The following SLC35F3 variants were observed in gnomAD, a reference collection of about 807,000 sequenced individuals.
SLC35F3 encodes the protein putative thiamine transporter SLC35F3.
A neutral mutation model predicts 49.9 loss-of-function variants in SLC35F3; 25 were observed. The observed-to-expected ratio is 0.50, with a 90% CI of 0.37 to 0.70. The LOEUF (loss-of-function observed/expected upper bound fraction) is 0.70. SLC35F3 is among the 30% of genes least tolerant of loss of function. The pLI, the probability that SLC35F3 is intolerant of heterozygous loss-of-function variation, is 0.00. For synonymous variants in SLC35F3, 275 were observed against 265.4 expected (o/e 1.04, Z -0.35); for missense variants, 525 against 639.8 (o/e 0.82, Z 1.94).
At chr1:234,319,657 C>T (rs1657569485) in intron 6 of SLC35F3, among the ~76,000 whole-genome samples, 1 of 152,156 alleles carries the variant, frequency 6.6e-6, no homozygotes, top group African/African-American at 2.4e-5. Flanking sequence ...GCTATGATTG[C>T]ACCACTGTGC....
At chr1:234,282,085 C>T (rs1349880579) in intron 3 of SLC35F3, among the ~76,000 whole-genome samples, 1 of 152,192 alleles carries the variant, frequency 6.6e-6, no homozygotes. Flanking sequence ...AGGCCTCTCT[C>T]AACACCCTCC....
intron 2 of SLC35F3, among the ~76,000 whole-genome samples, chr1:234,018,798 T>C (rs957557146): frequency 6.6e-6 from 1 of 152,238 alleles, no homozygotes; most frequent in African/African-American, 2.4e-5. Flanking sequence ...CTTGGCAACA[T>C]GGTCCAGGGT....
intron 2 of SLC35F3, among the ~76,000 whole-genome samples, chr1:234,004,066 C>T (rs1161260108): frequency 6.6e-6 from 1 of 152,148 alleles, no homozygotes; most frequent in African/African-American, 2.4e-5. Flanking sequence ...TGTCACCAAG[C>T]TTCCCCTATG....
intron 3 of SLC35F3, among the ~76,000 whole-genome samples, chr1:234,273,998 C>A (rs899720718): frequency 2.6e-5 from 4 of 152,052 alleles, no homozygotes; most frequent in African/African-American, 4.8e-5. Flanking sequence ...TAAAAAAAAA[C>A]CATCACATGC....
chr1:233,931,874 C>T (rs1662248825), intron 2 of SLC35F3, among the ~76,000 whole-genome samples: 1 of 152,136 alleles, frequency 6.6e-6, no homozygotes, highest in South Asian at 2.1e-4. Flanking sequence ...TTCACAATAG[C>T]AAAGACTTGG....
intron 1 of SLC35F3, 56 bp from the exon 2 acceptor site, chr1:233,905,473 C>A (rs377364779): frequency 9.9e-6 from 13 of 1,314,976 alleles, no homozygotes; most frequent in African/African-American, 7.2e-5. Flanking sequence ...GAATCCCCTC[C>A]TCTCTGTCCA....
chr1:233,997,375 T>C (rs1426288058), intron 2 of SLC35F3, among the ~76,000 whole-genome samples: 1 of 152,010 alleles, frequency 6.6e-6, no homozygotes, highest in Admixed American at 6.5e-5. Flanking sequence ...CCCACAACAA[T>C]GAAAAAAGGG....
intron 2 of SLC35F3, among the ~76,000 whole-genome samples, chr1:233,909,237 CTG>C (rs113980261): frequency 0.03 from 4,623 of 152,224 alleles, 246 homozygotes; most frequent in African/African-American, 0.11. Flanking sequence ...GAGAATTAAA[CTG>C]TAAACAAGGA....
intron 2 of SLC35F3, among the ~76,000 whole-genome samples, chr1:233,938,593 CGAA>C (rs532308038): frequency 3.4e-4 from 52 of 151,696 alleles, no homozygotes; most frequent in African/African-American, 1.2e-3. Flanking sequence ...AGTGAGAAGA[CGAA>C]GAGCTAACAA....
At chr1:234,089,157 A>G (rs899899181) in intron 2 of SLC35F3, among the ~76,000 whole-genome samples, 2 of 151,748 alleles carry the variant, frequency 1.3e-5, no homozygotes, top group African/African-American at 4.9e-5. Context: ...GTCCTCACCC[A>G]GGGCACACAC....
At chr1:234,074,060 C>T (rs1664760416) in intron 2 of SLC35F3, among the ~76,000 whole-genome samples, 2 of 152,152 alleles carry the variant, frequency 1.3e-5, no homozygotes, top group Admixed American at 1.3e-4. Context: ...TATTAATGTG[C>T]TTGGTGCTAC....
rs1240926844 is a variant in SLC35F3, at chr1:234,219,125, G to T, written c.284-12292G>T. ...ATAACTCAGTGGTTGGGACCCCCAT[G>T]GGGGGTTCATAGGCCCCATGGCTGT... On this transcript the variant is annotated intron_variant, in intron 2 of 7. Coordinates refer to ENST00000366618, the MANE Select transcript of SLC35F3 (RefSeq NM_173508.4). Among the ~76,000 whole-genome samples the T allele has an allele frequency of 2.0e-5, 3 of 148,482 alleles. No individual in the cohort carries two copies. The East Asian group carries it at 6.5e-4, about 32-fold the overall frequency.
At chr1:233,939,353 C>A (rs1413826912) in intron 2 of SLC35F3, among the ~76,000 whole-genome samples, 1 of 152,042 alleles carries the variant, frequency 6.6e-6, no homozygotes, top group Non-Finnish European at 1.5e-5. Context: ...TACTCAGGAG[C>A]CTGAGGTGAG....
At chr1:234,013,851 CAAA>C (rs58366458) in intron 2 of SLC35F3, among the ~76,000 whole-genome samples, 1 of 139,342 alleles carries the variant, frequency 7.2e-6, no homozygotes. Flanking sequence ...ACTTTCCCAT[CAAA>C]AAAAAAAAAA....
At chr1:233,946,375 A>G (rs769157212) in intron 2 of SLC35F3, among the ~76,000 whole-genome samples, 1 of 152,234 alleles carries the variant, frequency 6.6e-6, no homozygotes, top group Non-Finnish European at 1.5e-5. Flanking sequence ...CAAATGGCCT[A>G]TAATTTTGTT....
intron 3 of SLC35F3, among the ~76,000 whole-genome samples, chr1:234,292,545 G>T (rs1164590878): frequency 2.0e-5 from 3 of 152,204 alleles, no homozygotes; most frequent in Non-Finnish European, 2.9e-5. Flanking sequence ...TAAAACAATT[G>T]TGGTGCCTGT....
chr1:234,014,165 G>A (rs765920979), intron 2 of SLC35F3, among the ~76,000 whole-genome samples: 1 of 152,160 alleles, frequency 6.6e-6, no homozygotes, highest in Admixed American at 6.5e-5. Flanking sequence ...TTATTCCTGC[G>A]ATGCAAGGAT....
In SLC35F3 at chr1:234,242,541, A is replaced by G. The variant is rs549304050; in HGVS notation, c.608+10800A>G. ...TGTCTAGCTGAGTTCGTTAAAAAAG[A>G]CAAAAAATCCAATTGGCCAGAGGAA... On this transcript the variant is annotated intron_variant, in intron 3 of 7. Transcript: ENST00000366618. Among the ~76,000 whole-genome samples, 186 of 152,348 alleles carry G rather than the reference A, an allele frequency of 1.2e-3. 2 individuals carry two copies. The highest frequency in any genetic ancestry group is 4.4e-3 in the African/African-American group (181 of 41,594).
chr1:234,099,500 C>A (rs1343599921), intron 2 of SLC35F3, among the ~76,000 whole-genome samples: 2 of 151,642 alleles, frequency 1.3e-5, no homozygotes, highest in Non-Finnish European at 2.9e-5. Flanking sequence ...GTCCCAGCTA[C>A]TCAGGTGGCT....
Sources: allele counts gnomAD v4.1 joint callset (sites outside exome capture counted in the v4.1 genomes callset), GRCh38; gene constraint gnomAD v4.1.1; transcripts MANE v1.5; gene names NCBI Gene and HGNC (gene_info 2026-07-23, HGNC 2026-07-21).